Variants in NDE1 observed in about 807,000 individuals in gnomAD.
NDE1 encodes nudE neurodevelopment protein 1, also known as nuclear distribution protein nudE homolog 1.
NDE1 carries 28 observed loss-of-function variants against 43.4 expected under a neutral mutation model. That is an observed-to-expected ratio of 0.65 (90% CI 0.48 to 0.89). The LOEUF (loss-of-function observed/expected upper bound fraction) is 0.89. Ranked by LOEUF, NDE1 falls within the 40% of genes least tolerant of loss-of-function variation. The pLI, the probability that NDE1 is intolerant of heterozygous loss-of-function variation, is 0.00. For synonymous variants in NDE1, 184 were observed against 172.0 expected (o/e 1.07, Z -0.55); for missense variants, 441 against 434.1 (o/e 1.02, Z -0.14).
Position 15,708,955 on chromosome 16 carries a change from C to T in NDE1, c.947+12095C>T, listed in dbSNP as rs922588334. On this transcript the variant is annotated intron_variant, in intron 8 of 8. Transcript: ENST00000396354. ...CTTCGATTTAATAATTAAAGGCACT[C>T]TTTTTTATTTTGAGATAGTCTCTGT... 6 of 1,145,850 alleles carry T rather than the reference C, an allele frequency of 5.2e-6. No homozygotes were observed. The African/African-American group carries it at 7.7e-5, about 15-fold the overall frequency. The allele number at this position is 1,145,850 out of a possible 1,614,324, so 71.0% of individuals were successfully genotyped here.
chr16:15,703,402 CTT>C, intron 8 of NDE1: 1 of 238,986 alleles, frequency 4.2e-6, no homozygotes, highest in East Asian at 6.0e-5. Context: ...ATTTCGGTGA[CTT>C]TCTCCCCATT....
intron 8 of NDE1, chr16:15,718,851 G>A (rs1465960421): frequency 2.5e-6 from 1 of 406,938 alleles, no homozygotes; most frequent in African/African-American, 2.0e-5. Context: ...TCCAGGGCCA[G>A]GCACGGTGGC....
intron 8 of NDE1, among the ~76,000 whole-genome samples, chr16:15,707,728 T>TG (rs1448490319): frequency 6.6e-6 from 1 of 152,100 alleles, no homozygotes; most frequent in Non-Finnish European, 1.5e-5. Flanking sequence ...TCCCAGCATT[T>TG]GGGGAGGCCA....
chr16:15,717,676 G>T, intron 8 of NDE1: 1 of 420,848 alleles, frequency 2.4e-6, no homozygotes, highest in Non-Finnish European at 4.4e-6. Context: ...CGTGCCTGTA[G>T]TCCCAGCTAC....
intron 1 of NDE1, among the ~76,000 whole-genome samples, chr16:15,664,417 C>T (rs113273900): frequency 1.3e-5 from 2 of 151,962 alleles, no homozygotes; most frequent in African/African-American, 2.4e-5. Context: ...AGTGCAGTGG[C>T]GCCATCTCGG....
intron 8 of NDE1, 155 bp from the exon 9 acceptor site, chr16:15,724,036 C>T: frequency 2.0e-6 from 3 of 1,522,016 alleles, no homozygotes; most frequent in Non-Finnish European, 1.8e-6. Flanking sequence ...AGACAGCCTC[C>T]CATGGCTCCC....
At chr16:15,697,440 G>T (rs916909032) in intron 8 of NDE1, among the ~76,000 whole-genome samples, 3 of 152,160 alleles carry the variant, frequency 2.0e-5, no homozygotes, top group Non-Finnish European at 4.4e-5. Context: ...CAGGTGTGGT[G>T]ACGCTCGCCT....
chr16:15,648,968 G>T (rs899518764), upstream of NDE1, among the ~76,000 whole-genome samples: 1 of 152,102 alleles, frequency 6.6e-6, no homozygotes, highest in African/African-American at 2.4e-5. Flanking sequence ...GGCCGAGGTG[G>T]GTGGATCACC....
chr16:15,661,310 G>A (rs1387510921), intron 1 of NDE1, among the ~76,000 whole-genome samples: 1 of 151,938 alleles, frequency 6.6e-6, no homozygotes, highest in Non-Finnish European at 1.5e-5. Flanking sequence ...TGCCAGGCCT[G>A]GATAATTTTT....
intron 3 of NDE1, among the ~76,000 whole-genome samples, chr16:15,669,387 C>T (rs1444033788): frequency 7.4e-6 from 1 of 135,872 alleles, no homozygotes; most frequent in Admixed American, 7.5e-5. Context: ...TTTTGAGACG[C>T]AGTCTCACTC....
intron 8 of NDE1, chr16:15,718,164 C>T: frequency 8.1e-7 from 1 of 1,242,050 alleles, no homozygotes; most frequent in Non-Finnish European, 1.1e-6. Context: ...GTGTAAGGGC[C>T]CTGGATCTCT....
intron 1 of NDE1, chr16:15,644,017 T>A (rs2036229382): frequency 6.6e-6 from 1 of 152,066 alleles, no homozygotes. Flanking sequence ...ATCTTCACGT[T>A]TCCCTGGAAT....
intron 7 of NDE1, chr16:15,694,653 C>G: frequency 1.0e-6 from 1 of 985,306 alleles, no homozygotes; most frequent in Non-Finnish European, 1.2e-6. Context: ...CAGCCCCTTT[C>G]ATAGCAGTGT....
chr16:15,690,961 C>A (rs1238062050), intron 5 of NDE1, among the ~76,000 whole-genome samples, 183 bp from the exon 6 acceptor site: 2 of 152,120 alleles, frequency 1.3e-5, no homozygotes, highest in African/African-American at 4.8e-5. Context: ...GTGCCTACTA[C>A]CATGCTGGGC....
At chr16:15,664,555 C>T (rs1021440533) in intron 1 of NDE1, among the ~76,000 whole-genome samples, 181 bp from the exon 2 acceptor site, 1 of 152,012 alleles carries the variant, frequency 6.6e-6, no homozygotes, top group African/African-American at 2.4e-5. Flanking sequence ...CGGGGTTTCA[C>T]CATGTTAGCT....
chr16:15,718,213 G>T, intron 8 of NDE1: 1 of 1,576,820 alleles, frequency 6.3e-7, no homozygotes, highest in East Asian at 2.2e-5. Flanking sequence ...CTCAATCCAG[G>T]GCCTGCACAC....
chr16:15,689,750 G>T (rs1464669657), intron 5 of NDE1, among the ~76,000 whole-genome samples: 1 of 151,994 alleles, frequency 6.6e-6, no homozygotes, highest in East Asian at 1.9e-4. Context: ...GTCCAGCCTG[G>T]ACAACATGGT....
At chr16:15,672,459 C>G (rs904779817) in intron 3 of NDE1, among the ~76,000 whole-genome samples, 3 of 151,962 alleles carry the variant, frequency 2.0e-5, no homozygotes, top group Admixed American at 6.6e-5. Context: ...AAACAGGGTA[C>G]CTTGGAATAA....
chr16:15,694,070 G>A, intron 6 of NDE1, 95 bp from the exon 7 acceptor site: 1 of 1,402,406 alleles, frequency 7.1e-7, no homozygotes, highest in South Asian at 1.2e-5. Context: ...AGGCGTCAGT[G>A]TCCCTCCTGT....
Sources: gnomAD v4.1 joint callset for allele counts (sites outside exome capture counted in the v4.1 genomes callset) on GRCh38, gnomAD v4.1.1 for gene constraint, MANE v1.5 for transcripts, NCBI Gene and HGNC (gene_info 2026-07-23, HGNC 2026-07-21) for gene names.